SMPD4: variants seen among roughly 807,000 people sequenced by gnomAD.
SMPD4 encodes the protein neutral sphingomyelinase 3.
SMPD4 carries 58 observed loss-of-function variants against 97.8 expected under a neutral mutation model. That is an observed-to-expected ratio of 0.59 (90% CI 0.48 to 0.74). The LOEUF (loss-of-function observed/expected upper bound fraction) is 0.74, where lower values mean the gene tolerates loss of function less well. Among genes scored for constraint, SMPD4 ranks in the 30% least tolerant of loss-of-function variants. SMPD4 has a pLI of 0.00. For missense variants in SMPD4, 853 were observed against 1,080.5 expected, an observed-to-expected ratio of 0.79 and a Z score of 2.95; for synonymous variants, 388 against 450.0, an observed-to-expected ratio of 0.86 and a Z score of 1.74.
intron 2 of SMPD4, among the ~76,000 whole-genome samples, chr2:130,175,286 A>G (rs1688870473): frequency 1.3e-5 from 2 of 152,180 alleles, no homozygotes; most frequent in Admixed American, 1.3e-4. Context: ...CCAATCCATA[A>G]GTAGGGGTTG....
chr2:130,178,665 G>A (rs1207790525), intron 1 of SMPD4, among the ~76,000 whole-genome samples: 2 of 151,908 alleles, frequency 1.3e-5, no homozygotes, highest in Non-Finnish European at 2.9e-5. Context: ...TGTGGTGGCG[G>A]GCACCTGTAG....
chr2:130,162,066 G>C (rs1166549417), intron 10 of SMPD4, among the ~76,000 whole-genome samples: 1 of 152,146 alleles, frequency 6.6e-6, no homozygotes, highest in African/African-American at 2.4e-5. Context: ...AGCTAAGGTG[G>C]TGTGCACATC....
intron 9 of SMPD4, among the ~76,000 whole-genome samples, chr2:130,164,917 G>A (rs1221260586): frequency 1.3e-5 from 2 of 150,412 alleles, no homozygotes; most frequent in Admixed American, 6.6e-5. Context: ...GACCAGCCTG[G>A]CCAACATAAT....
chr2:130,179,886 C>T (rs572434544), intron 1 of SMPD4, among the ~76,000 whole-genome samples: 1 of 152,064 alleles, frequency 6.6e-6, no homozygotes, highest in Non-Finnish European at 1.5e-5. Flanking sequence ...AACTCCTGAC[C>T]TCGTGATCAG....
rs924505708 is a variant in SMPD4, at chr2:130,153,779, C to T, written c.1816G>A (p.Glu606Lys). 4 of 1,614,004 alleles carry T rather than the reference C, an allele frequency of 2.5e-6. No homozygotes were observed. Among genetic ancestry groups the T allele is most frequent in the African/African-American group, 1.3e-5 (1 of 75,056 alleles). The change falls in exon 17 of 20, where the codon GAG becomes AAG. Residue 606 changes from glutamate (E) to lysine (K), a missense_variant. Physicochemically the swap from Glu to Lys is moderately conservative, Grantham distance 56. Coordinates refer to ENST00000680298, the MANE Select transcript of SMPD4 (RefSeq NM_017951.5). Reference sequence around the variant, plus strand: ...TTCCGGACACTGTCTTGCCCCATCTCGTCCAGGTCGTTGGCTGTGTAGGAG... The same window carrying T: ...TTCCGGACACTGTCTTGCCCCATCTTGTCCAGGTCGTTGGCTGTGTAGGAG... ...NGSYTANDLD[E>K]MGQDSVRKTD...
At chr2:130,163,107 A>G (rs1687584742) in intron 10 of SMPD4, among the ~76,000 whole-genome samples, 1 of 152,246 alleles carries the variant, frequency 6.6e-6, no homozygotes, top group Non-Finnish European at 1.5e-5. Context: ...CAACAGGAAC[A>G]CAATGCGGTG....
chr2:130,165,817 T>G (rs781348421), intron 9 of SMPD4, among the ~76,000 whole-genome samples: 1 of 152,164 alleles, frequency 6.6e-6, no homozygotes, highest in Non-Finnish European at 1.5e-5. Flanking sequence ...AATCCTTTCC[T>G]GCTGGGCCTC....
At chr2:130,153,004 C>G (rs1190096036) in intron 19 of SMPD4, 39 bp downstream of exon 19, 1 of 1,592,204 alleles carries the variant, frequency 6.3e-7, no homozygotes. Flanking sequence ...ATCTAGAACC[C>G]TCTCTGAAGA....
chr2:130,161,059 G>GA, intron 11 of SMPD4, 127 bp downstream of exon 11: 4 of 875,966 alleles, frequency 4.6e-6, no homozygotes, highest in Non-Finnish European at 5.3e-6. Context: ...GCCTCCCCCC[G>GA]ACACAGGGGC....
intron 1 of SMPD4, among the ~76,000 whole-genome samples, chr2:130,177,671 G>C (rs1421064618): frequency 6.7e-6 from 1 of 148,580 alleles, no homozygotes; most frequent in Non-Finnish European, 1.5e-5. Context: ...CTCCAGCCTA[G>C]AAGGCTGAGC....
In SMPD4 at chr2:130,166,290, C is replaced by G. The variant is rs542095186; in HGVS notation, c.792+1168G>C. On this transcript the variant is annotated intron_variant, in intron 9 of 19. Transcript: ENST00000680298. ...AGCCACTGCACTCCAGCCTGGACAA[C>G]AGAGGGAGACTCCATCTCAAAAAAA... Among the ~76,000 whole-genome samples the G allele has an allele frequency of 6.5e-5, 7 of 108,262 alleles. No homozygotes were observed. In the East Asian group the frequency reaches 1.2e-3, roughly 18 times the overall value. The allele number at this position is 108,262 out of a possible 152,430, so 71.0% of individuals were successfully genotyped here. A position where few individuals can be genotyped will look rare whatever the true frequency, so the allele number is the denominator to read the frequency against.
intron 19 of SMPD4, 38 bp downstream of exon 19, chr2:130,153,005 T>C: frequency 6.3e-7 from 1 of 1,593,936 alleles, no homozygotes; most frequent in Non-Finnish European, 8.5e-7. Flanking sequence ...TCTAGAACCC[T>C]CTCTGAAGAC....
chr2:130,163,192 G>A (rs1044325767), intron 10 of SMPD4, among the ~76,000 whole-genome samples: 2 of 152,240 alleles, frequency 1.3e-5, no homozygotes, highest in Non-Finnish European at 2.9e-5. Context: ...AGAGCCCCAC[G>A]GGAGGAGCAG....
rs1688818584 is a variant in SMPD4 at position 130,174,855 on chromosome 2, A to T, written c.126+59T>A. The T allele has an allele frequency of 2.3e-6, 3 of 1,294,906 alleles. No homozygotes were observed. In the Admixed American group the frequency reaches 5.2e-5, roughly 22 times the overall value. The allele number at this position is 1,294,906 out of a possible 1,614,324, so 80.2% of individuals were successfully genotyped here. ...GGGGAGGGAAATTAGGAATTATAAT[A>T]AAGTTCTTCAACGAATGTATAAGAC... On this transcript the variant is annotated intron_variant, in intron 3 of 19. Transcript: ENST00000680298.
intron 1 of SMPD4, among the ~76,000 whole-genome samples, chr2:130,180,216 G>A (rs1689411090): frequency 6.6e-6 from 1 of 151,792 alleles, no homozygotes; most frequent in Non-Finnish European, 1.5e-5. Context: ...GCCCGCCTCA[G>A]CCTCCCAAAG....
chr2:130,156,299 C>A, intron 13 of SMPD4, 164 bp from the exon 14 acceptor site: 3 of 711,970 alleles, frequency 4.2e-6, no homozygotes, highest in Non-Finnish European at 7.1e-6. Context: ...CTCTTGCTGG[C>A]CCTCCAGAAG....
At position 130,153,891 on chromosome 2, in the gene SMPD4, G is replaced by A; in HGVS notation, c.1704C>T (p.Ala568=). 6.2e-7 allele frequency: 1 copy of A among 1,613,860 alleles called. No individual in the cohort carries two copies. ...CCGCACACTGGTCGGAGATGGACTTGGCTGTGTGTTTGGCCTGTGTGATGA... is the reference window on the plus strand; with the variant it reads ...CCGCACACTGGTCGGAGATGGACTTAGCTGTGTGTTTGGCCTGTGTGATGA... ...AQLITQAKHT[A]KSISDQCAES... The change falls in exon 17 of 20, where the codon GCC becomes GCT. Residue 568 remains alanine (A), a synonymous_variant. Transcript: ENST00000680298.
Position 130,152,278 on chromosome 2 carries a change from G to T in SMPD4, c.*277C>A, listed in dbSNP as rs1011059910. The T allele has an allele frequency of 2.4e-5, 9 of 376,898 alleles. No individual in the cohort carries two copies. In the Admixed American group the frequency reaches 2.5e-4, roughly 11 times the overall value. 23.3% of individuals were successfully genotyped at this position (376,898 alleles called of 1,614,324 possible). On this transcript the variant is annotated 3_prime_UTR_variant, in exon 20 of 20. Transcript: ENST00000680298. ...AAAGGCCCCGAGAGCTGGCTTGGCCGTGAGTCCTTGGCGGAGGGAGGGAAA... is the reference window on the plus strand; with the variant it reads ...AAAGGCCCCGAGAGCTGGCTTGGCCTTGAGTCCTTGGCGGAGGGAGGGAAA...
intron 3 of SMPD4, 126 bp from the exon 4 acceptor site, chr2:130,173,782 C>A (rs1471502716): frequency 1.1e-5 from 13 of 1,234,944 alleles, no homozygotes; most frequent in African/African-American, 4.6e-5. Context: ...CCTATGGGAT[C>A]AGCCCTGCAC....
Sources: gnomAD v4.1 joint callset for allele counts (sites outside exome capture counted in the v4.1 genomes callset) on GRCh38, gnomAD v4.1.1 for gene constraint, MANE v1.5 for transcripts, NCBI Gene and HGNC (gene_info 2026-07-23, HGNC 2026-07-21) for gene names.